Variants in GRIN2B observed in about 807,000 individuals in gnomAD.
GRIN2B encodes the protein glutamate receptor ionotropic, NMDA 2B.
GRIN2B carries 5 observed loss-of-function variants against 114.5 expected under a neutral mutation model. The observed-to-expected ratio is 0.04, with a 90% CI of 0.02 to 0.09. GRIN2B has a LOEUF of 0.09. Ranked by LOEUF, GRIN2B falls within the 10% of genes least tolerant of loss-of-function variation. The probability of loss-of-function intolerance (pLI) is 1.00; values close to 1 mark genes in which losing one functional copy is unlikely to be tolerated. For missense variants in GRIN2B, 1,108 were observed against 1,943.5 expected (o/e 0.57, Z 8.08); for synonymous variants, 787 against 745.1 (o/e 1.06, Z -0.92).
intron 5 of GRIN2B, among the ~76,000 whole-genome samples, chr12:13,618,194 A>C (rs1452637904): frequency 6.6e-6 from 1 of 152,196 alleles, no homozygotes; most frequent in Non-Finnish European, 1.5e-5. Flanking sequence ...ATGGCTCTCC[A>C]GCCAGTGGAG....
At chr12:13,757,394 A>G (rs1455474181) in intron 3 of GRIN2B, among the ~76,000 whole-genome samples, 2 of 152,128 alleles carry the variant, frequency 1.3e-5, no homozygotes, top group African/African-American at 4.8e-5. Flanking sequence ...AGCCACAAAT[A>G]AAAGGGAAAT....
rs556494747 is a variant in GRIN2B at position 13,950,916 on chromosome 12, A to G, written c.-19+29012T>C. 3.3e-5 allele frequency among the ~76,000 whole-genome samples: 5 copies of G among 152,338 alleles called. No individual in the cohort carries two copies. In the South Asian group the frequency reaches 1.0e-3, roughly 32 times the overall value. On this transcript the variant is annotated intron_variant, in intron 2 of 13. Transcript: ENST00000609686. ...AATGACAGGCCTAGCCACCTACAAC[A>G]TAGAAAAAAGCTAAGTTTGACCAGG...
intron 3 of GRIN2B, among the ~76,000 whole-genome samples, chr12:13,840,761 G>A (rs565598189): frequency 1.4e-4 from 21 of 152,242 alleles, no homozygotes; most frequent in Non-Finnish European, 2.6e-4. Flanking sequence ...CTACATAGCT[G>A]ACTTTTATCT....
intron 3 of GRIN2B, among the ~76,000 whole-genome samples, chr12:13,814,594 C>T (rs1277893011): frequency 1.3e-5 from 2 of 152,156 alleles, no homozygotes; most frequent in East Asian, 3.9e-4. Flanking sequence ...TTTAAGCTCC[C>T]TTAACCTATT....
intron 2 of GRIN2B, among the ~76,000 whole-genome samples, chr12:13,910,988 C>A (rs918064813): frequency 2.0e-5 from 3 of 151,990 alleles, no homozygotes; most frequent in African/African-American, 7.2e-5. Flanking sequence ...CTTCAGTTTA[C>A]ACATCACCCT....
rs533407568 is a variant in GRIN2B at position 13,786,373 on chromosome 12, T to G, written c.412-32458A>C. Among the ~76,000 whole-genome samples the G allele has an allele frequency of 6.6e-5, 10 of 152,178 alleles. No individual in the cohort carries two copies. The South Asian group carries it at 1.9e-3, about 28-fold the overall frequency. On this transcript the variant is annotated intron_variant, in intron 3 of 13. Coordinates refer to ENST00000609686, the MANE Select transcript of GRIN2B (RefSeq NM_000834.5). The stretch of plus-strand genomic sequence containing the variant: ...TCCTATATACCCAATTGTATTCAAT[T>G]TTGCTGGGACCACCGATGCCTTAAA...
At chr12:13,941,825 A>C (rs1279820020) in intron 2 of GRIN2B, among the ~76,000 whole-genome samples, 1 of 152,246 alleles carries the variant, frequency 6.6e-6, no homozygotes, top group Non-Finnish European at 1.5e-5. Flanking sequence ...CATAAGATTG[A>C]AAGCTGATCA....
At chr12:13,571,596 A>C (rs528852902) in intron 11 of GRIN2B, among the ~76,000 whole-genome samples, 14 of 152,254 alleles carry the variant, frequency 9.2e-5, no homozygotes, top group Non-Finnish European at 1.5e-4. Flanking sequence ...TTGTAAAAAA[A>C]ATACATAGAA....
chr12:13,942,547 A>T (rs150657429), intron 2 of GRIN2B, among the ~76,000 whole-genome samples: 1 of 152,350 alleles, frequency 6.6e-6, no homozygotes, highest in Non-Finnish European at 1.5e-5. Context: ...TGTACAAATA[A>T]CATTTTAACA....
intron 3 of GRIN2B, among the ~76,000 whole-genome samples, chr12:13,858,861 A>G (rs1339384970): frequency 1.3e-5 from 2 of 152,224 alleles, no homozygotes; most frequent in African/African-American, 4.8e-5. Flanking sequence ...AATATCAGTA[A>G]TTGCATCACC....
intron 4 of GRIN2B, among the ~76,000 whole-genome samples, chr12:13,722,487 T>G (rs1240728241): frequency 1.3e-5 from 2 of 152,034 alleles, no homozygotes; most frequent in Non-Finnish European, 2.9e-5. Flanking sequence ...GTAGCCAGAG[T>G]GTAGACAGAG....
At chr12:13,944,535 G>A (rs1867328849) in intron 2 of GRIN2B, among the ~76,000 whole-genome samples, 2 of 152,182 alleles carry the variant, frequency 1.3e-5, no homozygotes, top group Middle Eastern at 3.2e-3. Flanking sequence ...ATGCCTTTGA[G>A]AAAAATGGTA....
intron 2 of GRIN2B, among the ~76,000 whole-genome samples, chr12:13,880,257 G>A (rs1031309736): frequency 6.6e-6 from 1 of 152,164 alleles, no homozygotes; most frequent in Non-Finnish European, 1.5e-5. Flanking sequence ...CAAAAATGAG[G>A]CTGCCTTAAG....
Position 13,558,591 on chromosome 12 carries a change from G to A in GRIN2B, c.*4192C>T, listed in dbSNP as rs927547251. The A allele has an allele frequency of 6.6e-6, 1 of 152,138 alleles. No homozygotes were observed. The highest frequency in any genetic ancestry group is 2.4e-5 in the African/African-American group (1 of 41,440). The allele number at this position is 152,138 out of a possible 1,614,324, so 9.4% of individuals were successfully genotyped here. On this transcript the variant is annotated 3_prime_UTR_variant, in exon 14 of 14. Coordinates refer to ENST00000609686, the MANE Select transcript of GRIN2B (RefSeq NM_000834.5). ...TCCTGATGGCCACGGAAGACCGGGT[G>A]AGTGATAGTCACTTAACTGTATAGA...
At chr12:13,954,239 C>G (rs1458678543) in intron 2 of GRIN2B, among the ~76,000 whole-genome samples, 1 of 152,156 alleles carries the variant, frequency 6.6e-6, no homozygotes, top group Non-Finnish European at 1.5e-5. Context: ...CACCTCAGCA[C>G]TAAAAAATAT....
intron 2 of GRIN2B, among the ~76,000 whole-genome samples, chr12:13,939,885 A>G (rs1375269315): frequency 3.9e-5 from 6 of 152,154 alleles, no homozygotes; most frequent in African/African-American, 1.2e-4. Context: ...TCCAAGAAAC[A>G]TATCCAGCCC....
chr12:13,690,340 A>C, intron 4 of GRIN2B, among the ~76,000 whole-genome samples: 1 of 135,426 alleles, frequency 7.4e-6, no homozygotes, highest in Non-Finnish European at 1.6e-5. Flanking sequence ...ATCTATTTAC[A>C]AATACTTTTT....
chr12:13,565,945 A>G (rs1252667062), intron 13 of GRIN2B, among the ~76,000 whole-genome samples: 1 of 152,108 alleles, frequency 6.6e-6, no homozygotes, highest in African/African-American at 2.4e-5. Flanking sequence ...AGAGGCATTG[A>G]TCATGTCAAA....
intron 5 of GRIN2B, among the ~76,000 whole-genome samples, chr12:13,657,979 T>A (rs1346198948): frequency 6.6e-6 from 1 of 152,040 alleles, no homozygotes; most frequent in Non-Finnish European, 1.5e-5. Context: ...GCCAAGGCAG[T>A]CGGATCACCT....
Sources: gnomAD v4.1 joint callset for allele counts (sites outside exome capture counted in the v4.1 genomes callset) on GRCh38, gnomAD v4.1.1 for gene constraint, MANE v1.5 for transcripts, NCBI Gene and HGNC (gene_info 2026-07-23, HGNC 2026-07-21) for gene names.